The following NFIA variants were observed in gnomAD, a reference collection of about 807,000 sequenced individuals.
The protein encoded by NFIA is nuclear factor I A.
In NFIA, 8 loss-of-function variants were observed where a neutral mutation model predicts 62.8. The observed-to-expected ratio is 0.13, with a 90% CI of 0.07 to 0.23. NFIA has a LOEUF of 0.23. Among genes scored for constraint, NFIA ranks in the 10% least tolerant of loss-of-function variants. The pLI is 1.00. For missense variants in NFIA, 410 were observed against 642.1 expected, an observed-to-expected ratio of 0.64 and a Z score of 3.91; for synonymous variants, 235 against 238.1, an observed-to-expected ratio of 0.99 and a Z score of 0.12.
At chr1:61,401,009 A>T (rs996499718) in intron 7 of NFIA, among the ~76,000 whole-genome samples, 1 of 131,808 alleles carries the variant, frequency 7.6e-6, no homozygotes, top group Admixed American at 8.2e-5. Context: ...TTATCTAGAG[A>T]AATAGCATCT....
At chr1:61,280,526 G>A (rs1658069055) in intron 3 of NFIA, among the ~76,000 whole-genome samples, 2 of 152,116 alleles carry the variant, frequency 1.3e-5, no homozygotes, top group East Asian at 1.9e-4. Context: ...AAAGGTAATG[G>A]GAAACGAATG....
rs1646131076 is a variant in NFIA at position 61,082,668 on chromosome 1, C to T, written c.-124C>T. 4.6e-6 allele frequency: 7 copies of T among 1,516,360 alleles called. No individual in the cohort carries two copies. The highest frequency in any genetic ancestry group is 1.7e-4 in the Middle Eastern group (1 of 5,758). 93.9% of individuals were successfully genotyped at this position (1,516,360 alleles called of 1,614,324 possible). A position where few individuals can be genotyped will look rare whatever the true frequency, so the allele number is the denominator to read the frequency against. On this transcript the variant is annotated 5_prime_UTR_variant, in exon 1 of 11. Transcript: ENST00000403491. ...AAGCAGGCTTGATTTTTTTTTCTCCCCCCTTCTCTCTCTCTCTCTCTCTCT... is the reference window on the plus strand; with the variant it reads ...AAGCAGGCTTGATTTTTTTTTCTCCTCCCTTCTCTCTCTCTCTCTCTCTCT...
intron 3 of NFIA, among the ~76,000 whole-genome samples, chr1:61,302,398 AGAGCAACTG>A (rs1010965646): frequency 6.6e-6 from 1 of 152,184 alleles, no homozygotes; most frequent in African/African-American, 2.4e-5. Context: ...ATTTCATCAG[AGAGCAACTG>A]GGAGGTCCCA....
intron 10 of NFIA, among the ~76,000 whole-genome samples, chr1:61,452,079 T>C (rs1192396293): frequency 1.3e-5 from 2 of 152,172 alleles, no homozygotes; most frequent in African/African-American, 2.4e-5. Context: ...TAAGAAAATA[T>C]CACAAGAGAA....
intron 9 of NFIA, among the ~76,000 whole-genome samples, chr1:61,415,009 T>A (rs544696089): frequency 6.6e-6 from 1 of 152,272 alleles, no homozygotes; most frequent in East Asian, 1.9e-4. Flanking sequence ...TTATTTTACT[T>A]TGCTTGATTT....
At chr1:61,248,850 G>A (rs1655825359) in intron 2 of NFIA, 1 of 152,200 alleles carries the variant, frequency 6.6e-6, no homozygotes, top group African/African-American at 2.4e-5. Flanking sequence ...TGCTCATGGA[G>A]AAATAGCATT....
chr1:61,405,499 A>C (rs1665772154), intron 8 of NFIA, among the ~76,000 whole-genome samples: 1 of 152,184 alleles, frequency 6.6e-6, no homozygotes, highest in Non-Finnish European at 1.5e-5. Flanking sequence ...ATTAAGCTTA[A>C]ATGTAAAAGC....
intron 2 of NFIA, among the ~76,000 whole-genome samples, chr1:61,254,968 C>T (rs1468231034): frequency 6.6e-6 from 1 of 152,166 alleles, no homozygotes; most frequent in Non-Finnish European, 1.5e-5. Flanking sequence ...GTGACCCTGA[C>T]CATGTGACGT....
chr1:61,239,026 A>G (rs1655172428), intron 2 of NFIA, among the ~76,000 whole-genome samples: 1 of 152,250 alleles, frequency 6.6e-6, no homozygotes, highest in African/African-American at 2.4e-5. Flanking sequence ...AAAAGCAAAT[A>G]AAATGAAATA....
At chr1:61,104,297 G>A (rs993978015) in intron 2 of NFIA, among the ~76,000 whole-genome samples, 3 of 151,982 alleles carry the variant, frequency 2.0e-5, no homozygotes, top group African/African-American at 7.2e-5. Context: ...GCATTTGTAC[G>A]TTGTATGTCT....
At chr1:61,217,198 C>T (rs1439314663) in intron 2 of NFIA, among the ~76,000 whole-genome samples, 3 of 150,706 alleles carry the variant, frequency 2.0e-5, no homozygotes, top group South Asian at 2.1e-4. Flanking sequence ...CTGGGACTGC[C>T]GGCACATGCC....
At chr1:61,388,868 A>G (rs1167493393) in intron 7 of NFIA, among the ~76,000 whole-genome samples, 2 of 152,198 alleles carry the variant, frequency 1.3e-5, no homozygotes, top group African/African-American at 4.8e-5. Context: ...TAATCCCAGC[A>G]CTTCAGGAGG....
At chr1:61,128,172 A>G (rs184791247) in intron 2 of NFIA, among the ~76,000 whole-genome samples, 84 of 152,042 alleles carry the variant, frequency 5.5e-4, no homozygotes, top group African/African-American at 2.0e-3. Context: ...GCTGGCTCAA[A>G]CTCCTGGCCT....
intron 2 of NFIA, among the ~76,000 whole-genome samples, chr1:61,266,998 G>A (rs529154082): frequency 6.6e-6 from 1 of 152,218 alleles, no homozygotes; most frequent in African/African-American, 2.4e-5. Flanking sequence ...AAAGGGGCTT[G>A]CCCAATTCCT....
At chr1:61,387,354 T>C (rs11207732) in intron 7 of NFIA, among the ~76,000 whole-genome samples, 43,832 of 152,118 alleles carry the variant, frequency 0.29, 6,549 homozygotes, top group African/African-American at 0.39. Flanking sequence ...AGTATGCACG[T>C]GGGTCATACA....
At position 61,404,133 on chromosome 1, in the gene NFIA, C is replaced by T. The variant is rs1388134502; in HGVS notation, c.1105C>T (p.His369Tyr). ...TCCGCATGCAACACCATCGACTCTT[C>T]ATTTCCCGACATCACCCATTATCCA... ...ASPHATPSTL[H>Y]FPTSPIIQQP... Residue 369 changes from histidine to tyrosine, a missense_variant, in exon 8 of 11, where the codon CAT becomes TAT. By Grantham distance (83) the His-to-Tyr change is moderately conservative. Coordinates refer to ENST00000403491, the MANE Select transcript of NFIA (RefSeq NM_001134673.4). 6.2e-7 allele frequency: 1 copy of T among 1,614,176 alleles called. No homozygotes were observed.
chr1:61,290,739 G>A (rs1351201216), intron 3 of NFIA, among the ~76,000 whole-genome samples: 1 of 152,168 alleles, frequency 6.6e-6, no homozygotes, highest in Non-Finnish European at 1.5e-5. Flanking sequence ...ACAATATCAT[G>A]AAAGGCATGC....
intron 3 of NFIA, among the ~76,000 whole-genome samples, chr1:61,319,899 A>T (rs2100365710): frequency 1.3e-5 from 2 of 151,888 alleles, no homozygotes; most frequent in East Asian, 3.9e-4. Context: ...CAGCACTCTG[A>T]TCTGGGCAGA....
At chr1:61,282,001 AAAAC>A (rs1658164817) in intron 3 of NFIA, among the ~76,000 whole-genome samples, 1 of 152,178 alleles carries the variant, frequency 6.6e-6, no homozygotes, top group Admixed American at 6.5e-5. Context: ...ACAAACAAAA[AAAAC>A]AAAAACGCTC....
Sources: allele counts gnomAD v4.1 joint callset (sites outside exome capture counted in the v4.1 genomes callset), GRCh38; gene constraint gnomAD v4.1.1; transcripts MANE v1.5; gene names NCBI Gene and HGNC (gene_info 2026-07-23, HGNC 2026-07-21).